The following UNC5A variants were observed in gnomAD, a reference collection of about 807,000 sequenced individuals.
UNC5A encodes the protein netrin receptor UNC5A.
In UNC5A, 20 loss-of-function variants were observed where a neutral mutation model predicts 87.4. The ratio of observed to expected loss-of-function variants is 0.23; its 90% CI spans 0.16 to 0.33. The LOEUF is 0.33. UNC5A is among the 10% of genes least tolerant of loss of function. UNC5A has a pLI of 1.00. For synonymous variants in UNC5A, 438 were observed against 482.3 expected, an observed-to-expected ratio of 0.91 and a Z score of 1.20; for missense variants, 844 against 1,133.4, an observed-to-expected ratio of 0.74 and a Z score of 3.67.
rs760615400 is a variant in UNC5A, at chr5:176,877,543, T to A, written c.1475T>A (p.Leu492Gln). The A allele has an allele frequency of 1.7e-5, 27 of 1,594,360 alleles. No homozygotes were observed. Among genetic ancestry groups the A allele is most frequent in the Non-Finnish European group, 2.3e-5 (27 of 1,168,340 alleles). The change falls in exon 10 of 15, where the codon CTA becomes CAA. Residue 492 changes from leucine to glutamine, a missense_variant. Around this residue, in one of 3 missense-constraint regions of UNC5A, gnomAD observed 353 missense variants for 387.5 expected, o/e 0.91. Transcript: ENST00000329542. ...ATATTTCCCCACTTGAGGTTGCCCC[T>A]AGCTGGCTGTCAGACCCTGCTGAGT... ...LHKPEDVRLP[L>Q]AGCQTLLSPI... is the part of the protein sequence containing the mutation.
chr5:176,817,505 C>G (rs890863741), intron 1 of UNC5A, among the ~76,000 whole-genome samples: 3 of 152,164 alleles, frequency 2.0e-5, no homozygotes, highest in Admixed American at 1.3e-4. Flanking sequence ...GGGGCAGGGA[C>G]CCAGTGGAGC....
At chr5:176,858,233 C>T (rs1011572448) in intron 1 of UNC5A, among the ~76,000 whole-genome samples, 1 of 152,166 alleles carries the variant, frequency 6.6e-6, no homozygotes, top group Non-Finnish European at 1.5e-5. Context: ...CGAGGACAGG[C>T]CCTAGATGCA....
rs371340610 is a variant in UNC5A, at chr5:176,840,893, C to T, written c.71-21731C>T. ...GCCTTTGTTATGGGTCCCCCCACAA[C>T]GCTTGAGCAGCACAGAGAGCTGCTG... On this transcript the variant is annotated intron_variant, in intron 1 of 14. Coordinates refer to ENST00000329542, the MANE Select transcript of UNC5A (RefSeq NM_133369.3). Among the ~76,000 whole-genome samples, 23 of 152,366 alleles carry T rather than the reference C, an allele frequency of 1.5e-4. No homozygotes were observed. The East Asian group carries it at 2.1e-3, about 14-fold the overall frequency.
chr5:176,870,294 G>T, intron 5 of UNC5A, 76 bp from the exon 6 acceptor site: 1 of 1,554,470 alleles, frequency 6.4e-7, no homozygotes, highest in Non-Finnish European at 8.7e-7. Context: ...TTGCCCAGAG[G>T]GGCCACACTG....
Position 176,857,332 on chromosome 5 carries a change from C to T in UNC5A, c.71-5292C>T, listed in dbSNP as rs1271572679. Among the ~76,000 whole-genome samples, 6 of 152,182 alleles carry T rather than the reference C, an allele frequency of 3.9e-5. No homozygotes were observed. In the East Asian group the frequency reaches 9.6e-4, roughly 24 times the overall value. ...TCAATAATTATTTGTTGAATGGATA[C>T]GTTTCATGTCTTGGAAGAAGGTGGC... On this transcript the variant is annotated intron_variant, in intron 1 of 14. Transcript: ENST00000329542.
chr5:176,817,819 G>A (rs1052531022), intron 1 of UNC5A, among the ~76,000 whole-genome samples: 1 of 151,934 alleles, frequency 6.6e-6, no homozygotes, highest in Admixed American at 6.6e-5. Flanking sequence ...GGCTGCGGGA[G>A]GCTCGCGCCC....
Position 176,880,844 on chromosome 5 carries a change from A to T in UNC5A, c.*958A>T, listed in dbSNP as rs984856311. 6.7e-6 allele frequency: 3 copies of T among 448,426 alleles called. No individual in the cohort carries two copies. Among genetic ancestry groups the T allele is most frequent in the African/African-American group, 2.0e-5 (1 of 48,972 alleles). The allele number at this position is 448,426 out of a possible 1,614,324, so 27.8% of individuals were successfully genotyped here. A position where few individuals can be genotyped will look rare whatever the true frequency, so the allele number is the denominator to read the frequency against. On this transcript the variant is annotated 3_prime_UTR_variant, in exon 15 of 15. Coordinates refer to ENST00000329542, the MANE Select transcript of UNC5A (RefSeq NM_133369.3). The stretch of plus-strand genomic sequence containing the variant: ...CACAGCCTTGCCCGGCCGCCGGGGC[A>T]CATAGGGGTTTTATCGGGCGTGAAT...
At position 176,878,322 on chromosome 5, in the gene UNC5A, C is replaced by T; in HGVS notation, c.1948C>T (p.His650Tyr). The T allele has an allele frequency of 6.2e-7, 1 of 1,613,434 alleles. No individual in the cohort carries two copies. The highest frequency in any genetic ancestry group is 8.5e-7 in the Non-Finnish European group (1 of 1,180,018). ...GGTCCTGCACTTCAAGGACAGTTAC[C>T]ACAACCTGCGCCTATCCATCCACGA... Reference protein sequence around the residue: ...PRVLHFKDSYHNLRLSIHDVP... With the variant: ...PRVLHFKDSYYNLRLSIHDVP... The change falls in exon 12 of 15, where the codon CAC (histidine) becomes TAC (tyrosine). Residue 650 changes from histidine to tyrosine, a missense_variant. By Grantham distance (83) the His-to-Tyr change is moderately conservative. This residue lies in a region of UNC5A where 177 missense variants were observed against 279.4 expected (regional missense o/e 0.63). Coordinates refer to ENST00000329542, the MANE Select transcript of UNC5A (RefSeq NM_133369.3).
chr5:176,815,671 T>G (rs2113578856), intron 1 of UNC5A, among the ~76,000 whole-genome samples: 1 of 152,286 alleles, frequency 6.6e-6, no homozygotes, highest in Middle Eastern at 3.4e-3. Context: ...TGGCATGAGT[T>G]AGGACAGAGG....
intron 1 of UNC5A, among the ~76,000 whole-genome samples, chr5:176,830,365 CAT>C (rs1274763333): frequency 4.6e-5 from 7 of 152,004 alleles, no homozygotes; most frequent in East Asian, 1.9e-4. Context: ...TGTATGCTGG[CAT>C]GTGTGTGTGT....
intron 3 of UNC5A, 59 bp downstream of exon 3, chr5:176,868,332 G>A: frequency 2.5e-6 from 4 of 1,601,414 alleles, no homozygotes; most frequent in South Asian, 1.1e-5. Context: ...CACCAGGAGA[G>A]GGGACAGTAG....
chr5:176,879,764 A>T lies in UNC5A; in HGVS notation c.2407A>T (p.Ile803Phe). 6.2e-7 allele frequency: 1 copy of T among 1,613,352 alleles called. No homozygotes were observed. The highest frequency in any genetic ancestry group is 2.2e-5 in the East Asian group (1 of 44,840). ...FASKPSPTAMILNLWEARHFP... is the reference protein window; with the variant it reads ...FASKPSPTAMFLNLWEARHFP... ...CTCCAAGCCCAGCCCCACAGCCATG[A>T]TCCTCAACCTGTGGGAGGCGCGGCA... Residue 803 changes from isoleucine (I) to phenylalanine (F), a missense_variant, in exon 15 of 15, where the codon ATC (isoleucine) becomes TTC (phenylalanine). This residue lies in a region of UNC5A where 177 missense variants were observed against 279.4 expected (regional missense o/e 0.63). Transcript: ENST00000329542.
chr5:176,832,839 A>G (rs1374274720), intron 1 of UNC5A, among the ~76,000 whole-genome samples: 2 of 152,224 alleles, frequency 1.3e-5, no homozygotes, highest in African/African-American at 2.4e-5. Flanking sequence ...TCTCCAAATG[A>G]GGACTCCAGA....
rs1757354934 is a variant in UNC5A, at chr5:176,844,490, G to T, written c.71-18134G>T. On this transcript the variant is annotated intron_variant, in intron 1 of 14. Transcript: ENST00000329542. The surrounding 1 kb of genome is among the most constrained non-coding windows in gnomAD (Gnocchi z 4.2). ...ACACGGGATGATATGAGCTGGCCGT[G>T]GGCGCCCACTGCATACAGCAGGTTG... Among the ~76,000 whole-genome samples the T allele has an allele frequency of 6.6e-6, 1 of 152,178 alleles. No homozygotes were observed. The highest frequency in any genetic ancestry group is 2.4e-5 in the African/African-American group (1 of 41,440).
At chr5:176,853,175 C>G (rs1055654397) in intron 1 of UNC5A, among the ~76,000 whole-genome samples, 1 of 152,224 alleles carries the variant, frequency 6.6e-6, no homozygotes. Flanking sequence ...AGAACAGATA[C>G]AGGAGCCCTG....
chr5:176,868,952 G>A lies in UNC5A; in HGVS notation c.709G>A (p.Val237Ile), dbSNP rs1254060009. The part of the protein sequence containing the change: ...VARRRSASAA[V>I]IVYVDGSWSP... ...ACGTCGCCGCAGCGCCTCCGCTGCT[G>A]TCATCGTCTACGGTGGGCCCCGGGA... Residue 237 changes from valine to isoleucine, a missense_variant, in exon 5 of 15, where the codon GTC (valine) becomes ATC (isoleucine). Val to Ile is a conservative substitution (Grantham distance 29). Transcript: ENST00000329542. 8 of 1,606,368 alleles carry A rather than the reference G, an allele frequency of 5.0e-6. No individual in the cohort carries two copies. The highest frequency in any genetic ancestry group is 6.0e-6 in the Non-Finnish European group (7 of 1,175,798).
In UNC5A at chr5:176,869,062, G is replaced by C; in HGVS notation, c.721+98G>C. 7.3e-7 allele frequency: 1 copy of C among 1,362,730 alleles called. No individual in the cohort carries two copies. Among genetic ancestry groups the C allele is most frequent in the South Asian group, 1.4e-5 (1 of 70,836 alleles). The allele number at this position is 1,362,730 out of a possible 1,614,324, so 84.4% of individuals were successfully genotyped here. A position where few individuals can be genotyped will look rare whatever the true frequency, so the allele number is the denominator to read the frequency against. Reference sequence around the variant, plus strand: ...GGTGAAGAGAGGCCATGAGGCCAAAGCCAGGTGGACCAGATCGTGCCTGAC... The same window carrying C: ...GGTGAAGAGAGGCCATGAGGCCAAACCCAGGTGGACCAGATCGTGCCTGAC... On this transcript the variant is annotated intron_variant, in intron 5 of 14. Transcript: ENST00000329542. The surrounding 1 kb of genome is among the most constrained non-coding windows in gnomAD (Gnocchi z 9.1).
intron 1 of UNC5A, among the ~76,000 whole-genome samples, chr5:176,828,103 A>G (rs993768258): frequency 1.3e-5 from 2 of 151,752 alleles, no homozygotes; most frequent in African/African-American, 4.8e-5. Context: ...ACCCCCAGCC[A>G]GGAGCTGCCC....
In UNC5A at chr5:176,877,188, C is replaced by T. The variant is rs745998038; in HGVS notation, c.1379-4C>T. On this transcript the variant is annotated splice_region_variant and splice_polypyrimidine_tract_variant and intron_variant, in intron 8 of 14. Coordinates refer to ENST00000329542, the MANE Select transcript of UNC5A (RefSeq NM_133369.3). ...AAGCCCTGGCCCTCTTCCTGCCGTT[C>T]CAGGAATCAGCCTCCTCATCCCCCC... 6.2e-7 allele frequency: 1 copy of T among 1,609,360 alleles called. No homozygotes were observed. The highest frequency in any genetic ancestry group is 1.1e-5 in the South Asian group (1 of 90,976).
Sources: gnomAD v4.1 joint callset for allele counts (sites outside exome capture counted in the v4.1 genomes callset) on GRCh38, gnomAD v4.1.1 for gene constraint, gnomAD v4.1.1 regional missense constraint, Gnocchi (gnomAD v3.1) non-coding constraint, MANE v1.5 for transcripts, NCBI Gene and HGNC (gene_info 2026-07-23, HGNC 2026-07-21) for gene names.